The following NCOA7 variants were observed in gnomAD, a reference collection of about 807,000 sequenced individuals.
NCOA7 encodes the protein 140 kDa estrogen receptor-associated protein.
Under a neutral mutation model 104.3 loss-of-function variants are expected in NCOA7, and 45 were observed. That is an observed-to-expected ratio of 0.43 (90% CI 0.34 to 0.55). The LOEUF (loss-of-function observed/expected upper bound fraction) is 0.55. NCOA7 is among the 20% of genes least tolerant of loss of function. The probability of loss-of-function intolerance (pLI) is 0.02; values close to 1 mark genes in which losing one functional copy is unlikely to be tolerated. For missense variants in NCOA7, 1,041 were observed against 1,119.7 expected, an observed-to-expected ratio of 0.93 and a Z score of 1.00; for synonymous variants, 398 against 402.3, an observed-to-expected ratio of 0.99 and a Z score of 0.13.
At chr6:125,878,937 A>G (rs1783601524) in intron 5 of NCOA7, among the ~76,000 whole-genome samples, 1 of 152,174 alleles carries the variant, frequency 6.6e-6, no homozygotes, top group Non-Finnish European at 1.5e-5. Context: ...AGTGCAGTCA[A>G]CTGTTTAAGC....
chr6:125,880,560 C>T (rs1014135792), intron 5 of NCOA7, among the ~76,000 whole-genome samples: 1 of 151,684 alleles, frequency 6.6e-6, no homozygotes, highest in Non-Finnish European at 1.5e-5. Context: ...TGGAGTCTCC[C>T]TCTGTCACCC....
chr6:125,872,841 A>G (rs201061266), intron 3 of NCOA7, among the ~76,000 whole-genome samples: 77 of 152,272 alleles, frequency 5.1e-4, no homozygotes, highest in East Asian at 1.7e-3. Flanking sequence ...TTCCTGAAGT[A>G]ATTTAGGTGT....
At chr6:125,835,387 A>G (rs1284524523) in intron 2 of NCOA7, among the ~76,000 whole-genome samples, 1 of 144,632 alleles carries the variant, frequency 6.9e-6, no homozygotes, top group East Asian at 2.0e-4. Context: ...ACCTTAGGAG[A>G]AAAAAAAAAA....
At chr6:125,815,223 A>C in intron 1 of NCOA7, 68 bp from the exon 2 acceptor site, 1 of 582,122 alleles carries the variant, frequency 1.7e-6, no homozygotes, top group Non-Finnish European at 3.0e-6. Context: ...GTTCTACTCC[A>C]TTTTATTTTT....
chr6:125,870,388 G>T (rs7756315), intron 3 of NCOA7, among the ~76,000 whole-genome samples: 77 of 152,254 alleles, frequency 5.1e-4, no homozygotes, highest in African/African-American at 1.7e-3. Context: ...CCTCTGTTCA[G>T]CATTTCACAG....
At chr6:125,909,033 C>T (rs1786284266) in intron 10 of NCOA7, among the ~76,000 whole-genome samples, 1 of 152,156 alleles carries the variant, frequency 6.6e-6, no homozygotes. Flanking sequence ...TATGATTGTC[C>T]AAAGACTTTC....
At position 125,818,438 on chromosome 6, in the gene NCOA7, T is replaced by G. The variant is rs1420736755; in HGVS notation, c.50+3034T>G. On this transcript the variant is annotated intron_variant, in intron 2 of 15. Coordinates refer to ENST00000392477, the MANE Select transcript of NCOA7 (RefSeq NM_181782.5). ...AAAAACGTATCCTAAAATGCTGAAA[T>G]GTGATCTTGGGAGCATAGGGACAGT... is the stretch of plus-strand genomic sequence containing the variant. 2.0e-5 allele frequency among the ~76,000 whole-genome samples: 3 copies of G among 152,232 alleles called. No individual in the cohort carries two copies. The East Asian group carries it at 5.8e-4, about 29-fold the overall frequency.
chr6:125,911,088 A>G (rs1786498567), intron 10 of NCOA7, among the ~76,000 whole-genome samples: 1 of 152,220 alleles, frequency 6.6e-6, no homozygotes, highest in African/African-American at 2.4e-5. Context: ...AAAGGCCCCG[A>G]GTTCTGGGAG....
rs116872251 is a variant in NCOA7 at position 125,801,116 on chromosome 6, T to C, written c.-65+10049T>C. 2.6e-3 allele frequency among the ~76,000 whole-genome samples: 392 copies of C among 152,318 alleles called. 2 individuals carry two copies. Among genetic ancestry groups the C allele is most frequent in the Non-Finnish European group, 4.4e-3 (296 of 68,014 alleles). On this transcript the variant is annotated intron_variant, in intron 1 of 15. Coordinates refer to ENST00000392477, the MANE Select transcript of NCOA7 (RefSeq NM_181782.5). ...ACTTAGCAGTATGAGTTTGTTAGTG[T>C]AAAATTGCTATAGAAAGCGTGATAG...
chr6:125,923,044 A>T (rs1247708727), intron 13 of NCOA7, among the ~76,000 whole-genome samples: 2 of 152,188 alleles, frequency 1.3e-5, no homozygotes, highest in African/African-American at 4.8e-5. Flanking sequence ...ATATTTCAGG[A>T]TCATCTCCAA....
At chr6:125,798,042 A>G (rs1395273484) in intron 1 of NCOA7, 1 of 152,232 alleles carries the variant, frequency 6.6e-6, no homozygotes, top group Non-Finnish European at 1.5e-5. Context: ...TTAAAAAGTC[A>G]GTTACAATGC....
intron 4 of NCOA7, chr6:125,875,480 C>A (rs1378318766): frequency 2.0e-5 from 3 of 152,494 alleles, no homozygotes; most frequent in Admixed American, 2.0e-4. Flanking sequence ...GCTATGTACT[C>A]ATTTGGCTAC....
At chr6:125,852,199 T>C (rs1781187306) in intron 2 of NCOA7, among the ~76,000 whole-genome samples, 1 of 152,118 alleles carries the variant, frequency 6.6e-6, no homozygotes, top group African/African-American at 2.4e-5. Flanking sequence ...TTTTTTTGTT[T>C]GTTTGTTTCT....
chr6:125,819,310 T>A (rs1777927431), intron 2 of NCOA7, among the ~76,000 whole-genome samples: 2 of 152,088 alleles, frequency 1.3e-5, no homozygotes, highest in African/African-American at 4.8e-5. Flanking sequence ...AAATTAGTGA[T>A]TTGAGGGTCA....
chr6:125,815,799 TG>T (rs1313497489), intron 2 of NCOA7, among the ~76,000 whole-genome samples: 2 of 152,218 alleles, frequency 1.3e-5, no homozygotes, highest in Non-Finnish European at 2.9e-5. Flanking sequence ...TATCACCTTG[TG>T]GGGAGTCTAT....
rs116960786 is a variant in NCOA7 at position 125,800,704 on chromosome 6, A to G, written c.-65+9637A>G. On this transcript the variant is annotated intron_variant, in intron 1 of 15. Coordinates refer to ENST00000392477, the MANE Select transcript of NCOA7 (RefSeq NM_181782.5). ...GAGAGTTTACAGTCTGATTGGAAGG[A>G]ATGTGGGCATAAGGAACAATAATTA... Among the ~76,000 whole-genome samples the G allele has an allele frequency of 6.4e-3, 972 of 152,302 alleles. 3 individuals carry two copies. The highest frequency in any genetic ancestry group is 8.0e-3 in the Non-Finnish European group (545 of 68,012).
upstream of NCOA7, chr6:125,790,641 G>C (rs1320701880): frequency 6.6e-6 from 1 of 151,912 alleles, no homozygotes; most frequent in Admixed American, 6.6e-5. Context: ...CCAGGCCCCC[G>C]CAACCGCTGT....
chr6:125,830,757 G>GTA (rs202045116), intron 2 of NCOA7, among the ~76,000 whole-genome samples: 1 of 145,856 alleles, frequency 6.9e-6, no homozygotes, highest in Non-Finnish European at 1.5e-5. Context: ...GTGTGTGTGT[G>GTA]TGTATGTGTG....
chr6:125,874,864 C>T, intron 3 of NCOA7, 25 bp from the exon 4 acceptor site: 3 of 1,563,262 alleles, frequency 1.9e-6, no homozygotes, highest in East Asian at 2.2e-5. Context: ...TGAAATTATT[C>T]ATTTACATAC....
Sources: gnomAD v4.1 joint callset for allele counts (sites outside exome capture counted in the v4.1 genomes callset) on GRCh38, gnomAD v4.1.1 for gene constraint, MANE v1.5 for transcripts, NCBI Gene and HGNC (gene_info 2026-07-23, HGNC 2026-07-21) for gene names.